NXN: variants seen among roughly 807,000 people sequenced by gnomAD.
NXN encodes nucleoredoxin, also known as nucleoredoxin 1.
A neutral mutation model predicts 48.6 loss-of-function variants in NXN; 16 were observed. The ratio of observed to expected loss-of-function variants is 0.33; its 90% CI spans 0.22 to 0.50. The LOEUF (loss-of-function observed/expected upper bound fraction) is 0.50, where lower values mean the gene tolerates loss of function less well. NXN is among the 20% of genes least tolerant of loss of function. The pLI is 0.98. For synonymous variants in NXN, 281 were observed against 269.6 expected, an observed-to-expected ratio of 1.04 and a Z score of -0.41; for missense variants, 492 against 605.5, an observed-to-expected ratio of 0.81 and a Z score of 1.97.
At chr17:922,792 C>G (rs2068761279) in intron 1 of NXN, among the ~76,000 whole-genome samples, 1 of 151,334 alleles carries the variant, frequency 6.6e-6, no homozygotes, top group African/African-American at 2.4e-5. Context: ...GCTGGGACTA[C>G]AGGTGCCCGC....
intron 1 of NXN, among the ~76,000 whole-genome samples, chr17:961,314 G>C (rs1366935150): frequency 2.0e-5 from 3 of 152,006 alleles, no homozygotes; most frequent in Non-Finnish European, 4.4e-5. Flanking sequence ...GAACCCGGGA[G>C]GCAGAGGTTG....
rs1567827927 is a variant in NXN, at chr17:841,572, GGAGCATCTCACGCC to G, written c.361-15508_361-15495del. Among the ~76,000 whole-genome samples, 48 of 91,422 alleles carry G rather than the reference GGAGCATCTCACGCC, an allele frequency of 5.3e-4. 1 individual carries two copies. The highest frequency in any genetic ancestry group is 7.3e-4 in the Non-Finnish European group (34 of 46,864). 60.0% of individuals were successfully genotyped at this position (91,422 alleles called of 152,430 possible). On this transcript the variant is annotated intron_variant, in intron 1 of 7. Transcript: ENST00000336868. ...CGGCGAGCAGGTCCCCCCTGACCAC[GGAGCATCTCACGCC>G]GGCGAGCAGGTCCCCCCGACCACAG...
chr17:820,405 A>T (rs1220157085), intron 4 of NXN, among the ~76,000 whole-genome samples: 1 of 151,754 alleles, frequency 6.6e-6, no homozygotes, highest in Non-Finnish European at 1.5e-5. Flanking sequence ...AGGTCAAGAG[A>T]TCGAGACCGT....
Position 939,725 on chromosome 17 carries a change from A to G in NXN, c.360+39594T>C, listed in dbSNP as rs2068949266. Among the ~76,000 whole-genome samples, 3 of 152,252 alleles carry G rather than the reference A, an allele frequency of 2.0e-5. No individual in the cohort carries two copies. The South Asian group carries it at 6.2e-4, about 32-fold the overall frequency. On this transcript the variant is annotated intron_variant, in intron 1 of 7. Transcript: ENST00000336868. ...TCCTAATTGTGTAAGACACACACGT[A>G]CGTGCCTACATAGGAAAAGACAAGG...
At chr17:943,957 GC>G (rs1370318290) in intron 1 of NXN, among the ~76,000 whole-genome samples, 1 of 151,954 alleles carries the variant, frequency 6.6e-6, no homozygotes, top group Non-Finnish European at 1.5e-5. Context: ...ACAATATTTG[GC>G]CGGGCACGGT....
At position 859,176 on chromosome 17, in the gene NXN, T is replaced by C. The variant is rs924761303; in HGVS notation, c.361-33098A>G. On this transcript the variant is annotated intron_variant, in intron 1 of 7. Coordinates refer to ENST00000336868, the MANE Select transcript of NXN (RefSeq NM_022463.5). ...ATGCAGTTTCCCGTCCAGCTCTAGTTTGAAAATGAGGCCTTCTCAGTCTGA... is the reference window on the plus strand; with the variant it reads ...ATGCAGTTTCCCGTCCAGCTCTAGTCTGAAAATGAGGCCTTCTCAGTCTGA... Among the ~76,000 whole-genome samples the C allele has an allele frequency of 1.4e-4, 21 of 152,210 alleles. 1 individual carries two copies. The highest frequency in any genetic ancestry group is 4.6e-4 in the African/African-American group (19 of 41,454).
At chr17:947,912 G>A (rs1412402437) in intron 1 of NXN, among the ~76,000 whole-genome samples, 4 of 149,798 alleles carry the variant, frequency 2.7e-5, no homozygotes, top group Non-Finnish European at 3.0e-5. Flanking sequence ...TTAGCTGGAT[G>A]TGGCAGCGTG....
intron 7 of NXN, among the ~76,000 whole-genome samples, chr17:801,710 C>A (rs1449832625): frequency 6.6e-6 from 1 of 152,186 alleles, no homozygotes; most frequent in African/African-American, 2.4e-5. Flanking sequence ...TCCCAAAGTG[C>A]TAGGATTACA....
At chr17:895,736 T>A (rs2068475305) in intron 1 of NXN, among the ~76,000 whole-genome samples, 1 of 148,630 alleles carries the variant, frequency 6.7e-6, no homozygotes, top group Admixed American at 6.7e-5. Context: ...GGGAATGGCG[T>A]GAACCTGAGA....
Position 932,052 on chromosome 17 carries a change from G to A in NXN, c.360+47267C>T, listed in dbSNP as rs1318928543. On this transcript the variant is annotated intron_variant, in intron 1 of 7. Transcript: ENST00000336868. This position sits in a 1 kb window ranked among gnomAD's most constrained non-coding sequence, Gnocchi z 4.1. ...CCAGCTAATGGGGAGGCTGAGGCAG[G>A]AGAATCGCTTGAACCTGGGAGACGG... Among the ~76,000 whole-genome samples the A allele has an allele frequency of 1.3e-5, 2 of 151,758 alleles. No individual in the cohort carries two copies. Among genetic ancestry groups the A allele is most frequent in the African/African-American group, 4.8e-5 (2 of 41,276 alleles).
chr17:969,537 C>T (rs2069347287), intron 1 of NXN, among the ~76,000 whole-genome samples: 1 of 152,208 alleles, frequency 6.6e-6, no homozygotes, highest in South Asian at 2.1e-4. Flanking sequence ...ATTCGGGGCT[C>T]CGGCGGTCAC....
chr17:854,685 A>C (rs1484423925), intron 1 of NXN, among the ~76,000 whole-genome samples: 1 of 127,736 alleles, frequency 7.8e-6, no homozygotes, highest in Non-Finnish European at 1.7e-5. Flanking sequence ...GCAGCCGGGC[A>C]CGGTGGCTCA....
intron 1 of NXN, among the ~76,000 whole-genome samples, chr17:922,651 C>T (rs545900748): frequency 9.2e-5 from 14 of 151,814 alleles, no homozygotes; most frequent in Middle Eastern, 3.4e-3. Context: ...CTCCACTCTG[C>T]GTTCTTTGTT....
Position 956,200 on chromosome 17 carries a change from A to C in NXN, c.360+23119T>G, listed in dbSNP as rs903835275. 6.6e-6 allele frequency among the ~76,000 whole-genome samples: 1 copy of C among 152,120 alleles called. No individual in the cohort carries two copies. Among genetic ancestry groups the C allele is most frequent in the African/African-American group, 2.4e-5 (1 of 41,438 alleles). On this transcript the variant is annotated intron_variant, in intron 1 of 7. Coordinates refer to ENST00000336868, the MANE Select transcript of NXN (RefSeq NM_022463.5). The surrounding 1 kb of genome is among the most constrained non-coding windows in gnomAD (Gnocchi z 4.1). ...CCCACCGGAATCCCGCCAAGCCTTC[A>C]ACTCTCCATCCAAACCATTCATTCT...
At chr17:812,883 C>T (rs972534820) in intron 5 of NXN, among the ~76,000 whole-genome samples, 2 of 126,802 alleles carry the variant, frequency 1.6e-5, no homozygotes, top group African/African-American at 6.3e-5. Context: ...TGTGTGCGCA[C>T]ATGTGAATGT....
intron 1 of NXN, among the ~76,000 whole-genome samples, chr17:918,227 C>T (rs1386308466): frequency 4.6e-5 from 7 of 152,152 alleles, no homozygotes; most frequent in Non-Finnish European, 1.0e-4. Context: ...TGGGCCTGGC[C>T]GTTGTGCCAG....
intron 4 of NXN, among the ~76,000 whole-genome samples, chr17:820,455 C>CAA (rs35298882): frequency 3.3e-5 from 5 of 149,380 alleles, no homozygotes; most frequent in East Asian, 4.0e-4. Context: ...ACTAAAAATA[C>CAA]AAAAAAATTA....
chr17:821,010 C>T lies in NXN; in HGVS notation c.713+1347G>A, dbSNP rs1383253335. Reference sequence around the variant, plus strand: ...GACGGGAGCTGTGGCATGGCAGAGACGGGAGCTGTGGCATGGCAGAGACGG... The same window carrying T: ...GACGGGAGCTGTGGCATGGCAGAGATGGGAGCTGTGGCATGGCAGAGACGG... On this transcript the variant is annotated intron_variant, in intron 4 of 7. Coordinates refer to ENST00000336868, the MANE Select transcript of NXN (RefSeq NM_022463.5). Among the ~76,000 whole-genome samples, 4 of 71,816 alleles carry T rather than the reference C, an allele frequency of 5.6e-5. 2 individuals are homozygous for T. The highest frequency in any genetic ancestry group is 1.0e-4 in the Non-Finnish European group (4 of 39,588). The allele number at this position is 71,816 out of a possible 152,430, so 47.1% of individuals were successfully genotyped here.
intron 1 of NXN, among the ~76,000 whole-genome samples, chr17:934,555 A>G (rs1444584100): frequency 1.3e-5 from 2 of 151,972 alleles, no homozygotes; most frequent in Admixed American, 6.6e-5. Context: ...ACAGTCAAGA[A>G]ATTCCCAAGT....
Sources: allele counts gnomAD v4.1 joint callset (sites outside exome capture counted in the v4.1 genomes callset), GRCh38; gene constraint gnomAD v4.1.1; non-coding constraint Gnocchi (gnomAD v3.1); transcripts MANE v1.5; gene names NCBI Gene and HGNC (gene_info 2026-07-23, HGNC 2026-07-21).